Variants in NAV2 observed in about 807,000 individuals in gnomAD.
NAV2 encodes the protein helicase, APC down-regulated 1.
In NAV2, 54 loss-of-function variants were observed where a neutral mutation model predicts 223.2. The ratio of observed to expected loss-of-function variants is 0.24; its 90% CI spans 0.19 to 0.30. The LOEUF is 0.30. Ranked by LOEUF, NAV2 falls within the 10% of genes least tolerant of loss-of-function variation. The pLI, the probability that NAV2 is intolerant of heterozygous loss-of-function variation, is 1.00. For missense variants in NAV2, 2,806 were observed against 3,147.5 expected, an observed-to-expected ratio of 0.89 and a Z score of 2.60; for synonymous variants, 1,279 against 1,239.3, an observed-to-expected ratio of 1.03 and a Z score of -0.67.
chr11:20,062,419 T>C (rs1449327217), intron 20 of NAV2, 60 bp downstream of exon 20: 4 of 1,295,902 alleles, frequency 3.1e-6, no homozygotes, highest in African/African-American at 1.5e-5. Context: ...CTTTATCAAA[T>C]GTGTCAAGAA....
intron 1 of NAV2, among the ~76,000 whole-genome samples, chr11:19,598,232 C>A (rs1434083832): frequency 6.6e-6 from 1 of 152,212 alleles, no homozygotes; most frequent in Non-Finnish European, 1.5e-5. Flanking sequence ...GTCCAACAGA[C>A]CTTTCTAGCA....
intron 6 of NAV2, among the ~76,000 whole-genome samples, chr11:19,931,443 G>T (rs1387576508): frequency 6.6e-6 from 1 of 152,206 alleles, no homozygotes; most frequent in Non-Finnish European, 1.5e-5. Flanking sequence ...AAAGGAGGCA[G>T]TTCCTTTACT....
intron 1 of NAV2, among the ~76,000 whole-genome samples, chr11:19,394,390 A>C (rs1044780768): frequency 6.6e-6 from 1 of 152,128 alleles, no homozygotes; most frequent in Non-Finnish European, 1.5e-5. Context: ...GCATTCATTC[A>C]CTCATTTGTT....
Position 19,703,574 on chromosome 11 carries a change from C to T in NAV2, c.76-128910C>T, listed in dbSNP as rs373834481. Among the ~76,000 whole-genome samples the T allele has an allele frequency of 1.8e-4, 27 of 152,326 alleles. 1 individual carries two copies. In the South Asian group the frequency reaches 5.6e-3, roughly 32 times the overall value. The stretch of plus-strand genomic sequence containing the variant: ...AGCTGAGGCGGCATTGGGGGGATTA[C>T]CTGGCTGTGTTTGGGCTGCATGGGC... On this transcript the variant is annotated intron_variant, in intron 1 of 37. Transcript: ENST00000360655.
At chr11:19,654,162 T>C (rs1180480994) in intron 1 of NAV2, among the ~76,000 whole-genome samples, 1 of 151,972 alleles carries the variant, frequency 6.6e-6, no homozygotes. Context: ...GAGAATAAAA[T>C]ACCTAGGAAT....
At chr11:19,484,156 A>ACACACACT (rs1214473202) in intron 1 of NAV2, among the ~76,000 whole-genome samples, 1 of 151,344 alleles carries the variant, frequency 6.6e-6, no homozygotes, top group Non-Finnish European at 1.5e-5. Context: ...ACACACACAC[A>ACACACACT]CACCCCAAGT....
intron 1 of NAV2, among the ~76,000 whole-genome samples, chr11:19,455,010 A>C (rs1322200722): frequency 6.6e-6 from 1 of 152,186 alleles, no homozygotes; most frequent in Non-Finnish European, 1.5e-5. Flanking sequence ...GCCCAGATTT[A>C]CTGAATCACA....
At chr11:20,059,725 T>G in intron 19 of NAV2, among the ~76,000 whole-genome samples, 1 of 152,232 alleles carries the variant, frequency 6.6e-6, no homozygotes, top group East Asian at 1.9e-4. Flanking sequence ...TCTCCGAGTT[T>G]CAGATTTCTC....
intron 1 of NAV2, among the ~76,000 whole-genome samples, chr11:19,742,868 G>A: frequency 6.6e-6 from 1 of 152,214 alleles, no homozygotes; most frequent in East Asian, 1.9e-4. Context: ...GGCTGTCCTG[G>A]CAAGCTGTGG....
chr11:20,039,251 C>T lies in NAV2; in HGVS notation c.2907+3154C>T, dbSNP rs140931755. On this transcript the variant is annotated intron_variant, in intron 12 of 37. Transcript: ENST00000349880. Reference sequence around the variant, plus strand: ...CCTTGGATGAACTAAGCACTCTCTCCGAGCCCCTGCCTCCTCATCCATAAC... The same window carrying T: ...CCTTGGATGAACTAAGCACTCTCTCTGAGCCCCTGCCTCCTCATCCATAAC... Among the ~76,000 whole-genome samples the T allele has an allele frequency of 5.9e-4, 90 of 152,298 alleles. No homozygotes were observed. In the East Asian group the frequency reaches 0.013, roughly 22 times the overall value.
At chr11:19,611,636 C>CT (rs938278514) in intron 1 of NAV2, among the ~76,000 whole-genome samples, 36 of 152,322 alleles carry the variant, frequency 2.4e-4, no homozygotes, top group African/African-American at 7.9e-4. Flanking sequence ...CCAAAATGAT[C>CT]TTTTCTGACT....
intron 1 of NAV2, among the ~76,000 whole-genome samples, chr11:19,767,335 C>T (rs1455678161): frequency 6.6e-6 from 1 of 152,092 alleles, no homozygotes; most frequent in Non-Finnish European, 1.5e-5. Flanking sequence ...TCTCAGGAGC[C>T]CAAGGCAGGA....
chr11:19,520,854 G>A lies in NAV2; in HGVS notation c.75+169827G>A, dbSNP rs551283217. ...CACAGGAGGCAGGGGCGTGGGCCTT[G>A]GGAGAGCAGAGGCCACTGCTGGCTG... On this transcript the variant is annotated intron_variant, in intron 1 of 37. Transcript: ENST00000360655. 3.9e-5 allele frequency among the ~76,000 whole-genome samples: 6 copies of A among 152,350 alleles called. No individual in the cohort carries two copies. In the East Asian group the frequency reaches 9.7e-4, roughly 25 times the overall value.
At chr11:19,969,722 A>G (rs1035349965) in intron 10 of NAV2, among the ~76,000 whole-genome samples, 3 of 152,016 alleles carry the variant, frequency 2.0e-5, no homozygotes, top group Non-Finnish European at 4.4e-5. Context: ...GCGGGCGGAT[A>G]ATGAGGTCAG....
chr11:19,817,675 G>T (rs1211741400), intron 1 of NAV2, among the ~76,000 whole-genome samples: 1 of 152,178 alleles, frequency 6.6e-6, no homozygotes, highest in East Asian at 1.9e-4. Context: ...CCTTGAGCAG[G>T]TGCTCTGTAA....
chr11:20,017,781 TTGCTAAAGACTC>T (rs1227250871), intron 11 of NAV2, among the ~76,000 whole-genome samples: 4 of 152,218 alleles, frequency 2.6e-5, no homozygotes, highest in African/African-American at 9.6e-5. Context: ...TTCAAAATCT[TTGCTAAAGACTC>T]TCCTTCCCAC....
intron 1 of NAV2, among the ~76,000 whole-genome samples, chr11:19,437,845 G>T (rs1316498867): frequency 6.6e-6 from 1 of 152,164 alleles, no homozygotes; most frequent in Non-Finnish European, 1.5e-5. Flanking sequence ...GCATAAAAAA[G>T]ACAGGCAAAA....
At chr11:19,568,988 G>GA (rs1203152149) in intron 1 of NAV2, among the ~76,000 whole-genome samples, 1 of 152,316 alleles carries the variant, frequency 6.6e-6, no homozygotes, top group South Asian at 2.1e-4. Context: ...TTCAGGTGCT[G>GA]AGCACAGAAT....
At chr11:19,866,539 A>G (rs2153039821) in intron 3 of NAV2, among the ~76,000 whole-genome samples, 1 of 152,350 alleles carries the variant, frequency 6.6e-6, no homozygotes, top group East Asian at 1.9e-4. Context: ...GGCTGAATTG[A>G]AATGTATCAA....
Sources: gnomAD v4.1 joint callset for allele counts (sites outside exome capture counted in the v4.1 genomes callset) on GRCh38, gnomAD v4.1.1 for gene constraint, MANE v1.5 for transcripts, NCBI Gene and HGNC (gene_info 2026-07-23, HGNC 2026-07-21) for gene names.